Variants in TMED10 observed in about 807,000 individuals in gnomAD.
TMED10 encodes transmembrane p24 trafficking protein 10.
Under a neutral mutation model 23.1 loss-of-function variants are expected in TMED10, and 7 were observed. The ratio of observed to expected loss-of-function variants is 0.30; its 90% CI spans 0.17 to 0.57. The LOEUF is 0.57. Ranked by LOEUF, TMED10 falls within the 20% of genes least tolerant of loss-of-function variation. TMED10 has a pLI of 0.91. For missense variants in TMED10, 162 were observed against 274.8 expected, an observed-to-expected ratio of 0.59 and a Z score of 2.90; for synonymous variants, 113 against 106.9, an observed-to-expected ratio of 1.06 and a Z score of -0.35.
intron 3 of TMED10, among the ~76,000 whole-genome samples, chr14:75,144,156 A>C (rs915558422): frequency 1.3e-5 from 2 of 152,162 alleles, no homozygotes; most frequent in African/African-American, 4.8e-5. Flanking sequence ...GAGTTAGAAG[A>C]TGTGTCAGAT....
intron 1 of TMED10, among the ~76,000 whole-genome samples, chr14:75,171,113 G>C (rs1288022635): frequency 2.0e-5 from 3 of 151,996 alleles, no homozygotes; most frequent in Admixed American, 1.3e-4. Flanking sequence ...TTATCACAAG[G>C]GTCCTTATAA....
intron 3 of TMED10, among the ~76,000 whole-genome samples, chr14:75,136,518 CTA>C (rs1347711563): frequency 6.6e-6 from 1 of 152,154 alleles, no homozygotes; most frequent in Admixed American, 6.5e-5. Context: ...AAGAAGTAAA[CTA>C]TTGTTAATAC....
intron 1 of TMED10, among the ~76,000 whole-genome samples, chr14:75,162,835 T>C (rs1896100995): frequency 6.6e-6 from 1 of 152,120 alleles, no homozygotes; most frequent in South Asian, 2.1e-4. Context: ...TTTATCTCTG[T>C]GGTCTTCCTC....
At chr14:75,166,871 G>C (rs929848339) in intron 1 of TMED10, among the ~76,000 whole-genome samples, 8 of 151,906 alleles carry the variant, frequency 5.3e-5, no homozygotes, top group Non-Finnish European at 1.0e-4. Context: ...CATAAGTAAG[G>C]GTTCATGGGA....
At chr14:75,155,228 G>A (rs1206732851) in intron 1 of TMED10, among the ~76,000 whole-genome samples, 2 of 152,198 alleles carry the variant, frequency 1.3e-5, no homozygotes, top group African/African-American at 4.8e-5. Flanking sequence ...CCAAACTGCT[G>A]GGATTACAGG....
chr14:75,155,020 G>C (rs139605292), intron 1 of TMED10, among the ~76,000 whole-genome samples: 1 of 150,852 alleles, frequency 6.6e-6, no homozygotes, highest in Admixed American at 6.6e-5. Context: ...GGGCAGTGGC[G>C]CAATCCCGGC....
chr14:75,165,737 T>G (rs931087045), intron 1 of TMED10, among the ~76,000 whole-genome samples: 16 of 152,194 alleles, frequency 1.1e-4, no homozygotes, highest in African/African-American at 3.9e-4. Flanking sequence ...ACAGGCAGCA[T>G]TTGGCAACAC....
Position 75,134,932 on chromosome 14 carries a change from C to G in TMED10, c.613G>C (p.Val205Leu), listed in dbSNP as rs1239230105. ...TTGAAGAAGCGTCGCAGGTAGAAGA[C>G]CTGCCAGGTAGCTAGTCCAATGAGA... The part of the protein sequence containing the change: ...FCLIGLATWQ[V>L]FYLRRFFKAK... The change falls in exon 5 of 5, where the codon GTC (valine) becomes CTC (leucine). Residue 205 changes from valine (V) to leucine (L), a missense_variant. Physicochemically the swap from Val to Leu is conservative, Grantham distance 32 (BLOSUM62 1). This residue lies in a region of TMED10 where 126 missense variants were observed against 239.5 expected (regional missense o/e 0.53). Coordinates refer to ENST00000303575, the MANE Select transcript of TMED10 (RefSeq NM_006827.6). 6 of 1,613,962 alleles carry G rather than the reference C, an allele frequency of 3.7e-6. No individual in the cohort carries two copies. The highest frequency in any genetic ancestry group is 5.1e-6 in the Non-Finnish European group (6 of 1,179,994).
intron 1 of TMED10, among the ~76,000 whole-genome samples, chr14:75,153,753 G>A (rs949235935): frequency 1.4e-5 from 2 of 144,566 alleles, no homozygotes; most frequent in Non-Finnish European, 3.0e-5. Flanking sequence ...TTTCTGAGGG[G>A]TGAGACTTTC....
chr14:75,148,886 G>A (rs1895920641), intron 2 of TMED10, among the ~76,000 whole-genome samples: 1 of 152,206 alleles, frequency 6.6e-6, no homozygotes, highest in Non-Finnish European at 1.5e-5. Flanking sequence ...AGTGTTGAGA[G>A]GTAAAACCTT....
chr14:75,142,369 G>T (rs1308534967), intron 3 of TMED10, among the ~76,000 whole-genome samples: 1 of 152,120 alleles, frequency 6.6e-6, no homozygotes, highest in Non-Finnish European at 1.5e-5. Context: ...ACAGTACCAT[G>T]GTCTCTTAAC....
At chr14:75,148,200 G>A (rs145648003) in intron 2 of TMED10, among the ~76,000 whole-genome samples, 266 of 152,208 alleles carry the variant, frequency 1.7e-3, no homozygotes, top group African/African-American at 6.2e-3. Context: ...TTGAGGGAAG[G>A]CCATGATGAA....
In TMED10 at chr14:75,131,555, C is replaced by T. The variant is rs1297153509; in HGVS notation, c.*3330G>A. 6.6e-6 allele frequency: 1 copy of T among 152,572 alleles called. No individual in the cohort carries two copies. The highest frequency in any genetic ancestry group is 2.1e-4 in the South Asian group (1 of 4,834). The allele number at this position is 152,572 out of a possible 1,614,324, so 9.5% of individuals were successfully genotyped here. On this transcript the variant is annotated 3_prime_UTR_variant, in exon 5 of 5. Transcript: ENST00000303575. ...AGTGAATCTGTATAAATCCCATATG[C>T]CTCTTTCCCAAACAAACCAAGAAAT... is the stretch of plus-strand genomic sequence containing the variant.
At chr14:75,170,149 C>T (rs542280189) in intron 1 of TMED10, among the ~76,000 whole-genome samples, 226 of 152,168 alleles carry the variant, frequency 1.5e-3, no homozygotes, top group African/African-American at 5.2e-3. Context: ...ATGGTGTGAA[C>T]CCCGGGGAGC....
intron 2 of TMED10, 183 bp from the exon 3 acceptor site, chr14:75,147,920 G>A (rs1459077206): frequency 1.6e-6 from 1 of 633,874 alleles, no homozygotes; most frequent in Non-Finnish European, 2.8e-6. Context: ...AAACATTCCA[G>A]ACAAAGCCTC....
intron 1 of TMED10, among the ~76,000 whole-genome samples, chr14:75,162,515 T>A (rs867511646): frequency 6.6e-6 from 1 of 152,280 alleles, no homozygotes; most frequent in African/African-American, 2.4e-5. Flanking sequence ...ATAATTTATG[T>A]AGGCACCCGT....
At chr14:75,143,750 A>G (rs963319100) in intron 3 of TMED10, among the ~76,000 whole-genome samples, 1 of 152,160 alleles carries the variant, frequency 6.6e-6, no homozygotes, top group Non-Finnish European at 1.5e-5. Context: ...CCTGGCCTAC[A>G]TGGTGAAACC....
Position 75,137,677 on chromosome 14 carries a change from A to G in TMED10, c.412-1791T>C, listed in dbSNP as rs1895768829. Among the ~76,000 whole-genome samples, 4 of 134,284 alleles carry G rather than the reference A, an allele frequency of 3.0e-5. No homozygotes were observed. In the Admixed American group the frequency reaches 3.2e-4, roughly 11 times the overall value. The allele number at this position is 134,284 out of a possible 152,430, so 88.1% of individuals were successfully genotyped here. ...GTGACAGAGCGAGACTCCATCTCAAAAAAAAAAAAAAAAATTCTGTTTCTT... is the reference window on the plus strand; with the variant it reads ...GTGACAGAGCGAGACTCCATCTCAAGAAAAAAAAAAAAAATTCTGTTTCTT... On this transcript the variant is annotated intron_variant, in intron 3 of 4. Coordinates refer to ENST00000303575, the MANE Select transcript of TMED10 (RefSeq NM_006827.6).
chr14:75,165,806 TG>T (rs1896153648), intron 1 of TMED10, among the ~76,000 whole-genome samples: 1 of 152,206 alleles, frequency 6.6e-6, no homozygotes, highest in African/African-American at 2.4e-5. Flanking sequence ...ACATAAGTAT[TG>T]CTTAAGCTAA....
Sources: gnomAD v4.1 joint callset for allele counts (sites outside exome capture counted in the v4.1 genomes callset) on GRCh38, gnomAD v4.1.1 for gene constraint, gnomAD v4.1.1 regional missense constraint, MANE v1.5 for transcripts, NCBI Gene and HGNC (gene_info 2026-07-23, HGNC 2026-07-21) for gene names.